Variants in BMPR2 observed in about 807,000 individuals in gnomAD.
The protein encoded by BMPR2 is bone morphogenetic protein receptor type 2.
In BMPR2, 29 loss-of-function variants were observed where a neutral mutation model predicts 100.8. The observed-to-expected ratio is 0.29, with a 90% CI of 0.21 to 0.39. The LOEUF (loss-of-function observed/expected upper bound fraction) is 0.39, where lower values mean the gene tolerates loss of function less well. BMPR2 is among the 10% of genes least tolerant of loss of function. The pLI is 1.00. For missense variants in BMPR2, 1,011 were observed against 1,274.5 expected, an observed-to-expected ratio of 0.79 and a Z score of 3.15; for synonymous variants, 382 against 442.3, an observed-to-expected ratio of 0.86 and a Z score of 1.71.
intron 1 of BMPR2, among the ~76,000 whole-genome samples, chr2:202,442,606 T>A (rs1326379339): frequency 6.7e-6 from 1 of 150,332 alleles, no homozygotes; most frequent in Non-Finnish European, 1.5e-5. Context: ...TACTTCACCC[T>A]CCCTCTAGCT....
At chr2:202,527,650 G>T (rs572929418) in intron 7 of BMPR2, among the ~76,000 whole-genome samples, 228 of 151,606 alleles carry the variant, frequency 1.5e-3, no homozygotes, top group African/African-American at 5.2e-3. Flanking sequence ...AGCCGGGCGC[G>T]GTGGCGGGCG....
At chr2:202,452,113 A>C (rs1217424539) in intron 1 of BMPR2, among the ~76,000 whole-genome samples, 1 of 152,034 alleles carries the variant, frequency 6.6e-6, no homozygotes, top group Non-Finnish European at 1.5e-5. Context: ...TACTCAACAT[A>C]CAGTACATTT....
intron 1 of BMPR2, among the ~76,000 whole-genome samples, chr2:202,429,886 C>T (rs1236510079): frequency 1.3e-5 from 2 of 152,180 alleles, no homozygotes; most frequent in Non-Finnish European, 2.9e-5. Flanking sequence ...ATGATCCAGT[C>T]ACCTCCCTCC....
At chr2:202,522,326 T>C (rs1687831865) in intron 7 of BMPR2, among the ~76,000 whole-genome samples, 4 of 151,684 alleles carry the variant, frequency 2.6e-5, no homozygotes, top group Admixed American at 2.6e-4. Flanking sequence ...ACCAACATGG[T>C]GAAACCCCGT....
intron 3 of BMPR2, among the ~76,000 whole-genome samples, chr2:202,488,623 G>C (rs764439220): frequency 2.0e-5 from 3 of 151,952 alleles, no homozygotes; most frequent in Admixed American, 6.6e-5. Context: ...TGTAGAGACA[G>C]GGTCTTGCTG....
At chr2:202,378,404 C>T (rs1690200565) in intron 1 of BMPR2, among the ~76,000 whole-genome samples, 1 of 151,902 alleles carries the variant, frequency 6.6e-6, no homozygotes, top group African/African-American at 2.4e-5. Flanking sequence ...ACATATAACT[C>T]GTACACTTGG....
intron 1 of BMPR2, among the ~76,000 whole-genome samples, chr2:202,416,225 T>C (rs190684285): frequency 6.6e-6 from 1 of 152,020 alleles, no homozygotes; most frequent in East Asian, 1.9e-4. Context: ...GTGACTGAAT[T>C]GGTGCAGTCT....
intron 2 of BMPR2, among the ~76,000 whole-genome samples, chr2:202,465,818 A>T (rs1009069720): frequency 1.3e-5 from 2 of 152,062 alleles, no homozygotes; most frequent in Non-Finnish European, 2.9e-5. Context: ...GCACCACTGC[A>T]CTCCAGCCTG....
rs56075719 is a variant in BMPR2, at chr2:202,398,108, C to CA, written c.76+20575dup. On this transcript the variant is annotated intron_variant, in intron 1 of 12. Coordinates refer to ENST00000374580, the MANE Select transcript of BMPR2 (RefSeq NM_001204.7). Reference sequence around the variant, plus strand: ...TGGGCAACAGAGCAAGACCCTGTCTCAAAAAAAAAAAAAAAAATCTATACT... The same window carrying CA: ...TGGGCAACAGAGCAAGACCCTGTCTCAAAAAAAAAAAAAAAAAATCTATACT... 9.9e-3 allele frequency among the ~76,000 whole-genome samples: 1,188 copies of CA among 120,320 alleles called. 9 individuals carry two copies. The highest frequency in any genetic ancestry group is 0.026 in the African/African-American group (847 of 32,330). 78.9% of individuals were successfully genotyped at this position (120,320 alleles called of 152,430 possible). A position where few individuals can be genotyped will look rare whatever the true frequency, so the allele number is the denominator to read the frequency against.
At chr2:202,508,148 A>C (rs909927468) in intron 3 of BMPR2, among the ~76,000 whole-genome samples, 20 of 150,764 alleles carry the variant, frequency 1.3e-4, no homozygotes, top group African/African-American at 4.9e-4. Context: ...GCTGGAGTGC[A>C]GTGGTGTGAT....
intron 3 of BMPR2, among the ~76,000 whole-genome samples, chr2:202,492,725 C>CA (rs796078041): frequency 0.049 from 5,312 of 109,478 alleles, 40 homozygotes; most frequent in Non-Finnish European, 0.056. Flanking sequence ...AAAAAAAAAC[C>CA]AAAAAAAAAA....
chr2:202,379,189 A>C (rs1690218807), intron 1 of BMPR2, among the ~76,000 whole-genome samples: 2 of 152,204 alleles, frequency 1.3e-5, no homozygotes, highest in African/African-American at 4.8e-5. Context: ...GACCTGTAAC[A>C]GTAATGATAA....
intron 3 of BMPR2, among the ~76,000 whole-genome samples, chr2:202,468,591 C>T (rs984522875): frequency 1.3e-5 from 2 of 152,204 alleles, no homozygotes; most frequent in African/African-American, 2.4e-5. Context: ...CTGGAAGATA[C>T]ATCTTCAATA....
intron 1 of BMPR2, among the ~76,000 whole-genome samples, chr2:202,436,240 G>A (rs558642052): frequency 6.6e-6 from 1 of 150,542 alleles, no homozygotes; most frequent in African/African-American, 2.5e-5. Context: ...AATCCCTTGA[G>A]CCCAGAGTTA....
intron 10 of BMPR2, among the ~76,000 whole-genome samples, chr2:202,546,408 C>T (rs1688377084): frequency 6.6e-6 from 1 of 151,846 alleles, no homozygotes; most frequent in Admixed American, 6.6e-5. Context: ...ATAGTTTAGT[C>T]AATAAAGGGG....
At chr2:202,490,858 C>T (rs1692886472) in intron 3 of BMPR2, among the ~76,000 whole-genome samples, 1 of 152,188 alleles carries the variant, frequency 6.6e-6, no homozygotes, top group Non-Finnish European at 1.5e-5. Context: ...TTGTTACTTC[C>T]TTACTCTCAC....
intron 1 of BMPR2, among the ~76,000 whole-genome samples, chr2:202,391,331 C>T (rs775895636): frequency 6.6e-6 from 1 of 151,408 alleles, no homozygotes; most frequent in Non-Finnish European, 1.5e-5. Context: ...TAAAATAGGG[C>T]CTTGCTCTGC....
chr2:202,402,817 C>CCACA (rs1690792861), intron 1 of BMPR2, among the ~76,000 whole-genome samples: 9 of 151,364 alleles, frequency 5.9e-5, no homozygotes, highest in Non-Finnish European at 1.5e-5. Context: ...GTGCATGCCA[C>CCACA]CCTGTGTTGC....
At position 202,522,245 on chromosome 2, in the gene BMPR2, C is replaced by T. The variant is rs564900595; in HGVS notation, c.967+2044C>T. ...ATTCTTGGCCGGGCACGGTGGCTCA[C>T]GCCTATAATCCCAGCACTTTGGGAG... On this transcript the variant is annotated intron_variant, in intron 7 of 12. Coordinates refer to ENST00000374580, the MANE Select transcript of BMPR2 (RefSeq NM_001204.7). Among the ~76,000 whole-genome samples, 138 of 152,230 alleles carry T rather than the reference C, an allele frequency of 9.1e-4. 1 individual carries two copies. The highest frequency in any genetic ancestry group is 3.1e-3 in the African/African-American group (128 of 41,540).
Sources: gnomAD v4.1 joint callset for allele counts (sites outside exome capture counted in the v4.1 genomes callset) on GRCh38, gnomAD v4.1.1 for gene constraint, MANE v1.5 for transcripts, NCBI Gene and HGNC (gene_info 2026-07-23, HGNC 2026-07-21) for gene names.